The following NOX3 variants were observed in gnomAD, a reference collection of about 807,000 sequenced individuals.
NOX3 encodes NADPH oxidase 3.
A neutral mutation model predicts 76.7 loss-of-function variants in NOX3; 74 were observed. The observed-to-expected ratio is 0.96, with a 90% confidence interval of 0.80 to 1.17. The LOEUF is 1.17. Among genes scored for constraint, NOX3 ranks in the 50% most tolerant of loss-of-function variants. The pLI is 0.00. For synonymous variants in NOX3, 263 were observed against 261.1 expected (o/e 1.01, Z -0.07); for missense variants, 695 against 703.3 (o/e 0.99, Z 0.13).
intron 4 of NOX3, among the ~76,000 whole-genome samples, chr6:155,446,272 C>A (rs1777064204): frequency 6.6e-6 from 1 of 152,126 alleles, no homozygotes; most frequent in Admixed American, 6.5e-5. Context: ...TAGCAGGAGT[C>A]TTTTCCAATA....
intron 10 of NOX3, among the ~76,000 whole-genome samples, chr6:155,421,976 G>A (rs571669130): frequency 4.6e-5 from 7 of 152,250 alleles, no homozygotes; most frequent in South Asian, 4.1e-4. Flanking sequence ...TGATAGATGA[G>A]GACACTGTGG....
At chr6:155,450,835 G>C (rs1260055082) in intron 4 of NOX3, among the ~76,000 whole-genome samples, 1 of 152,082 alleles carries the variant, frequency 6.6e-6, no homozygotes, top group Non-Finnish European at 1.5e-5. Flanking sequence ...ACAGGCAGGG[G>C]GCACATGCAT....
At chr6:155,419,305 T>C (rs1000100450) in intron 10 of NOX3, among the ~76,000 whole-genome samples, 6 of 152,176 alleles carry the variant, frequency 3.9e-5, no homozygotes, top group Non-Finnish European at 4.4e-5. Context: ...AAACTTTCAA[T>C]AGCATGAAAA....
At chr6:155,439,875 C>T (rs537672103) in intron 6 of NOX3, 81 bp downstream of exon 6, 7 of 1,338,534 alleles carry the variant, frequency 5.2e-6, no homozygotes, top group Middle Eastern at 2.2e-4. Context: ...CACGCCGGCT[C>T]CTTCATCTAA....
intron 10 of NOX3, among the ~76,000 whole-genome samples, chr6:155,418,399 G>A (rs906530617): frequency 9.9e-5 from 15 of 152,136 alleles, no homozygotes; most frequent in Admixed American, 2.6e-4. Flanking sequence ...TCATCCCACA[G>A]GGGCACAGCG....
At chr6:155,426,901 C>T (rs1776761205) in intron 9 of NOX3, among the ~76,000 whole-genome samples, 1 of 151,168 alleles carries the variant, frequency 6.6e-6, no homozygotes, top group Non-Finnish European at 1.5e-5. Context: ...AGGGCAGAAG[C>T]CAGTTAGCAA....
chr6:155,442,602 A>G (rs540154759), intron 5 of NOX3, among the ~76,000 whole-genome samples: 2 of 152,366 alleles, frequency 1.3e-5, no homozygotes, highest in East Asian at 1.9e-4. Context: ...ATCAACCACA[A>G]AGAAAGAGGT....
intron 10 of NOX3, among the ~76,000 whole-genome samples, chr6:155,415,107 C>T (rs901118570): frequency 2.6e-5 from 4 of 152,110 alleles, no homozygotes; most frequent in South Asian, 2.1e-4. Context: ...TGGGTCTGAG[C>T]GACAGTCACA....
At chr6:155,398,332 G>A (rs1324426485) in intron 12 of NOX3, among the ~76,000 whole-genome samples, 5 of 152,206 alleles carry the variant, frequency 3.3e-5, no homozygotes, top group Middle Eastern at 3.4e-3. Flanking sequence ...CATTCTTTGG[G>A]CTTCAGGACC....
intron 10 of NOX3, among the ~76,000 whole-genome samples, chr6:155,415,025 G>A (rs1347641358): frequency 6.6e-6 from 1 of 152,156 alleles, no homozygotes; most frequent in Non-Finnish European, 1.5e-5. Flanking sequence ...GCCCGTCATA[G>A]ACCTTAGTTT....
At chr6:155,396,259 C>T (rs540202076) in intron 13 of NOX3, among the ~76,000 whole-genome samples, 8 of 152,210 alleles carry the variant, frequency 5.3e-5, no homozygotes, top group African/African-American at 1.7e-4. Context: ...GTGATTTCTC[C>T]GGTCTACAGA....
chr6:155,421,520 A>G (rs1776689093), intron 10 of NOX3, among the ~76,000 whole-genome samples: 1 of 152,312 alleles, frequency 6.6e-6, no homozygotes, highest in South Asian at 2.1e-4. Flanking sequence ...GTAGCTAAAT[A>G]AGCTTGGGAA....
chr6:155,405,729 C>T (rs558324952), intron 12 of NOX3, among the ~76,000 whole-genome samples: 30 of 152,266 alleles, frequency 2.0e-4, no homozygotes, highest in South Asian at 4.1e-4. Flanking sequence ...CAGCTCAACC[C>T]GCAAAGACTC....
At chr6:155,396,993 T>C (rs1779147988) in intron 12 of NOX3, 31 bp from the exon 13 acceptor site, 1 of 1,585,266 alleles carries the variant, frequency 6.3e-7, no homozygotes, top group East Asian at 2.3e-5. Flanking sequence ...GGAAATAAAA[T>C]GTCACCAGGA....
In NOX3 at chr6:155,407,139, T is replaced by C. The variant is rs1467533085; in HGVS notation, c.1571A>G (p.Asn524Ser). 4.3e-6 allele frequency: 7 copies of C among 1,614,004 alleles called. No individual in the cohort carries two copies. Among genetic ancestry groups the C allele is most frequent in the Admixed American group, 1.7e-5 (1 of 59,998 alleles). ...CAAGAGCTTGCCTTACCTGGGGTGATTGTAGGCAATCTGCTTGAACTCATT... is the reference window on the plus strand; with the variant it reads ...CAAGAGCTTGCCTTACCTGGGGTGACTGTAGGCAATCTGCTTGAACTCATT... ...WNNEFKQIAYNHPSSSIGVFF... is the reference protein window; with the variant it reads ...WNNEFKQIAYSHPSSSIGVFF... The change falls in exon 12 of 14, where the codon AAT becomes AGT. Residue 524 changes from asparagine to serine, a missense_variant. Physicochemically the swap from Asn to Ser is conservative, Grantham distance 46. Coordinates refer to ENST00000159060, the MANE Select transcript of NOX3 (RefSeq NM_015718.3).
At chr6:155,448,424 G>C (rs560185852) in intron 4 of NOX3, among the ~76,000 whole-genome samples, 6 of 152,050 alleles carry the variant, frequency 3.9e-5, no homozygotes, top group Non-Finnish European at 4.4e-5. Context: ...TCTACAGTAC[G>C]CACTTCTCTG....
chr6:155,417,165 TG>T (rs1776631816), intron 10 of NOX3, among the ~76,000 whole-genome samples: 1 of 152,200 alleles, frequency 6.6e-6, no homozygotes, highest in African/African-American at 2.4e-5. Flanking sequence ...ACACTGACGG[TG>T]CCCGAAGTTA....
chr6:155,414,791 C>A (rs990185737), intron 10 of NOX3, among the ~76,000 whole-genome samples: 1 of 151,834 alleles, frequency 6.6e-6, no homozygotes, highest in African/African-American at 2.4e-5. Flanking sequence ...CCATGCACGA[C>A]GAAGTTTTTA....
chr6:155,414,222 A>T (rs569983468), intron 10 of NOX3, among the ~76,000 whole-genome samples: 1 of 152,326 alleles, frequency 6.6e-6, no homozygotes, highest in African/African-American at 2.4e-5. Context: ...AAAGGTATTT[A>T]CTTTGACTTT....
Sources: allele counts gnomAD v4.1 joint callset (sites outside exome capture counted in the v4.1 genomes callset), GRCh38; gene constraint gnomAD v4.1.1; transcripts MANE v1.5; gene names NCBI Gene and HGNC (gene_info 2026-07-23, HGNC 2026-07-21).